Variants in DMXL1 observed in about 807,000 individuals in gnomAD.
DMXL1 encodes the protein dmX-like protein 1.
Under a neutral mutation model 319.2 loss-of-function variants are expected in DMXL1, and 99 were observed. The observed-to-expected ratio is 0.31, with a 90% CI of 0.26 to 0.37. The LOEUF (loss-of-function observed/expected upper bound fraction) is 0.37. DMXL1 is among the 10% of genes least tolerant of loss of function. The probability of loss-of-function intolerance (pLI) is 1.00; values close to 1 mark genes in which losing one functional copy is unlikely to be tolerated. For missense variants in DMXL1, 3,745 were observed against 3,595.6 expected, an observed-to-expected ratio of 1.04 and a Z score of -1.06; for synonymous variants, 1,385 against 1,235.2, an observed-to-expected ratio of 1.12 and a Z score of -2.54.
rs543617416 is a variant in DMXL1, at chr5:119,110,929, C to T, written c.497+646C>T. 5.3e-5 allele frequency among the ~76,000 whole-genome samples: 8 copies of T among 152,258 alleles called. No homozygotes were observed. The East Asian group carries it at 1.5e-3, about 29-fold the overall frequency. On this transcript the variant is annotated intron_variant, in intron 5 of 43. Transcript: ENST00000539542. The stretch of plus-strand genomic sequence containing the variant: ...TCAGCCTCCTGAGGCACTGGGATTA[C>T]AGGCACGCGCCACCACATCTGGCTA...
intron 42 of DMXL1, among the ~76,000 whole-genome samples, chr5:119,243,255 C>G (rs1561955032): frequency 6.6e-6 from 1 of 152,136 alleles, no homozygotes; most frequent in Non-Finnish European, 1.5e-5. Flanking sequence ...TATTTCAAGT[C>G]TTACAATAAT....
At chr5:119,219,768 A>G (rs1468813882) in intron 35 of DMXL1, among the ~76,000 whole-genome samples, 5 of 151,946 alleles carry the variant, frequency 3.3e-5, no homozygotes, top group Admixed American at 2.6e-4. Flanking sequence ...GTGTTTTGCC[A>G]TGTTGCCCAG....
intron 32 of DMXL1, among the ~76,000 whole-genome samples, chr5:119,198,360 C>A (rs1780040788): frequency 6.6e-6 from 1 of 152,150 alleles, no homozygotes; most frequent in Non-Finnish European, 1.5e-5. Context: ...TCAACCCTGC[C>A]ATTGTAGAAT....
intron 23 of DMXL1, among the ~76,000 whole-genome samples, chr5:119,168,337 A>G (rs1773858383): frequency 6.6e-6 from 1 of 152,164 alleles, no homozygotes; most frequent in Non-Finnish European, 1.5e-5. Flanking sequence ...GTCTGCTAGT[A>G]CCTTTTCTTT....
intron 15 of DMXL1, 75 bp from the exon 16 acceptor site, chr5:119,146,762 A>T: frequency 7.2e-7 from 1 of 1,394,036 alleles, no homozygotes; most frequent in East Asian, 2.5e-5. Context: ...AAGTCCAATT[A>T]TTTTAACTTG....
chr5:119,220,876 CT>C, intron 36 of DMXL1, 63 bp from the exon 37 acceptor site: 4 of 1,560,868 alleles, frequency 2.6e-6, no homozygotes, highest in Non-Finnish European at 3.5e-6. Context: ...AATTTTAGAC[CT>C]TTCAAGTGTA....
intron 1 of DMXL1, among the ~76,000 whole-genome samples, chr5:119,096,792 T>C (rs1006837282): frequency 6.6e-6 from 1 of 152,246 alleles, no homozygotes; most frequent in Non-Finnish European, 1.5e-5. Context: ...ATGTATACTT[T>C]CTTTTGTTGT....
intron 1 of DMXL1, among the ~76,000 whole-genome samples, chr5:119,081,962 G>C (rs1227329982): frequency 6.9e-6 from 1 of 144,824 alleles, no homozygotes; most frequent in Admixed American, 7.1e-5. Flanking sequence ...ATTGCTGACT[G>C]TCATAACTAT....
chr5:119,156,299 A>G (rs994623779), intron 19 of DMXL1, among the ~76,000 whole-genome samples: 1 of 152,172 alleles, frequency 6.6e-6, no homozygotes, highest in Non-Finnish European at 1.5e-5. Flanking sequence ...AGGTATGTAC[A>G]CTCATTTTAG....
At chr5:119,121,661 A>C (rs528346487) in intron 9 of DMXL1, among the ~76,000 whole-genome samples, 25 of 152,302 alleles carry the variant, frequency 1.6e-4, no homozygotes, top group Admixed American at 2.0e-4. Flanking sequence ...AACAACATGA[A>C]AAGTCTCCCA....
intron 21 of DMXL1, among the ~76,000 whole-genome samples, chr5:119,165,831 C>G (rs1474153587): frequency 6.6e-6 from 1 of 152,202 alleles, no homozygotes; most frequent in African/African-American, 2.4e-5. Flanking sequence ...GATTCAGTTA[C>G]CTCCCACTGG....
At chr5:119,230,853 G>A (rs1472428081) in intron 38 of DMXL1, among the ~76,000 whole-genome samples, 1 of 152,188 alleles carries the variant, frequency 6.6e-6, no homozygotes, top group East Asian at 1.9e-4. Flanking sequence ...TTGCACTCCA[G>A]CCTGGGCAAC....
At chr5:119,099,949 T>C (rs193070792) in intron 2 of DMXL1, among the ~76,000 whole-genome samples, 1 of 152,196 alleles carries the variant, frequency 6.6e-6, no homozygotes, top group Non-Finnish European at 1.5e-5. Context: ...TGCAGTCAGC[T>C]CTGGTGGCAC....
chr5:119,173,000 T>A (rs1774891832), intron 25 of DMXL1, among the ~76,000 whole-genome samples: 1 of 152,198 alleles, frequency 6.6e-6, no homozygotes, highest in African/African-American at 2.4e-5. Context: ...TATTTAAAAC[T>A]AATTATAGCA....
intron 28 of DMXL1, among the ~76,000 whole-genome samples, chr5:119,184,313 C>G (rs975462468): frequency 6.6e-6 from 1 of 152,146 alleles, no homozygotes; most frequent in Non-Finnish European, 1.5e-5. Context: ...ATCTTCCCAC[C>G]TCAGCCTCCC....
At chr5:119,159,358 A>G (rs1771765146) in intron 19 of DMXL1, among the ~76,000 whole-genome samples, 1 of 152,222 alleles carries the variant, frequency 6.6e-6, no homozygotes, top group Non-Finnish European at 1.5e-5. Flanking sequence ...TGGCCTCCCA[A>G]AATGCTGGGG....
chr5:119,124,243 A>G (rs944481339), intron 9 of DMXL1, among the ~76,000 whole-genome samples: 24 of 151,190 alleles, frequency 1.6e-4, no homozygotes, highest in African/African-American at 4.1e-4. Flanking sequence ...TGAACCTGGA[A>G]GGCAGAGGTT....
Position 119,117,863 on chromosome 5 carries a change from A to C in DMXL1, c.744-952A>C, listed in dbSNP as rs547228401. ...GTAAGTTTAACAAAGTGGCTACTAG[A>C]CAATATTTTGATTTCTCATTTACTT... On this transcript the variant is annotated intron_variant, in intron 7 of 43. Transcript: ENST00000539542. Among the ~76,000 whole-genome samples the C allele has an allele frequency of 3.9e-5, 6 of 152,346 alleles. No homozygotes were observed. In the East Asian group the frequency reaches 1.2e-3, roughly 29 times the overall value.
rs1175838233 is a variant in DMXL1, at chr5:119,118,941, T to G, written c.870T>G (p.Ile290Met). The G allele has an allele frequency of 6.2e-7, 1 of 1,613,622 alleles. No individual in the cohort carries two copies. The highest frequency in any genetic ancestry group is 1.7e-5 in the Admixed American group (1 of 59,920). ...ACTGCAGCCATTGGACTGAATCAAT[T>G]AATTTAACAAATAACTTCAAGAGAA... ...GGDCSHWTES[I>M]NLTNNFKRNA... is the part of the protein sequence containing the mutation. The change falls in exon 8 of 44, where the codon ATT (isoleucine) becomes ATG (methionine). Residue 290 changes from isoleucine (I) to methionine (M), a missense_variant. Around this residue, in one of 4 missense-constraint regions of DMXL1, gnomAD observed 2,096 missense variants for 1,985.4 expected, o/e 1.06. Coordinates refer to ENST00000539542, the MANE Select transcript of DMXL1 (RefSeq NM_001290321.3).
Sources: allele counts gnomAD v4.1 joint callset (sites outside exome capture counted in the v4.1 genomes callset), GRCh38; gene constraint gnomAD v4.1.1; regional missense constraint gnomAD v4.1.1; transcripts MANE v1.5; gene names NCBI Gene and HGNC (gene_info 2026-07-23, HGNC 2026-07-21).